The following NQO2 variants were observed in gnomAD, a reference collection of about 807,000 sequenced individuals.
The protein encoded by NQO2 is N-ribosyldihydronicotinamide:quinone dehydrogenase 2, also known as ribosyldihydronicotinamide dehydrogenase [quinone].
NQO2 carries 18 observed loss-of-function variants against 22.0 expected under a neutral mutation model. The observed-to-expected ratio is 0.82, with a 90% confidence interval of 0.56 to 1.21. The LOEUF (loss-of-function observed/expected upper bound fraction) is 1.21. Among genes scored for constraint, NQO2 ranks in the 50% most tolerant of loss-of-function variants. The pLI is 0.00. For synonymous variants in NQO2, 106 were observed against 110.8 expected, an observed-to-expected ratio of 0.96 and a Z score of 0.28; for missense variants, 267 against 286.9, an observed-to-expected ratio of 0.93 and a Z score of 0.50.
intron 4 of NQO2, chr6:3,015,292 C>T (rs988917273): frequency 1.4e-6 from 2 of 1,452,170 alleles, no homozygotes; most frequent in Admixed American, 2.1e-5. Flanking sequence ...GCATCAGGGG[C>T]TGTCATCACT....
At chr6:3,012,371 C>A (rs1040763702) in intron 3 of NQO2, 173 bp from the exon 4 acceptor site, 2 of 985,190 alleles carry the variant, frequency 2.0e-6, no homozygotes, top group African/African-American at 3.5e-5. Context: ...CAGCAGCCCT[C>A]CCAGACTGCT....
intron 2 of NQO2, chr6:3,007,006 T>A (rs188357599): frequency 1.7e-4 from 68 of 398,792 alleles, no homozygotes; most frequent in African/African-American, 1.0e-3. Context: ...GAACATGCAA[T>A]CTCTCAACTT....
intron 6 of NQO2, among the ~76,000 whole-genome samples, chr6:3,019,060 G>A (rs1757441973): frequency 6.6e-6 from 1 of 151,950 alleles, no homozygotes; most frequent in African/African-American, 2.4e-5. Context: ...CATAAATACG[G>A]CTTAAAATTT....
intron 1 of NQO2, chr6:3,003,932 T>C (rs1756833266): frequency 2.6e-5 from 4 of 151,334 alleles, no homozygotes; most frequent in Admixed American, 2.6e-4. Flanking sequence ...CACCACCATC[T>C]TGCAGCCCCA....
intron 4 of NQO2, chr6:3,015,047 T>C (rs1757274666): frequency 1.6e-6 from 2 of 1,240,852 alleles, no homozygotes; most frequent in Non-Finnish European, 2.1e-6. Context: ...ATCTATGGGA[T>C]AGGGAGATCT....
Position 3,016,909 on chromosome 6 carries a change from C to T in NQO2, c.443C>T (p.Thr148Ile), listed in dbSNP as rs750466406. The T allele has an allele frequency of 1.2e-6, 2 of 1,612,166 alleles. No homozygotes were observed. The highest frequency in any genetic ancestry group is 1.7e-6 in the Non-Finnish European group (2 of 1,179,402). Residue 148 changes from threonine to isoleucine, a missense_variant, in exon 6 of 7, where the codon ACC (threonine) becomes ATC (isoleucine). By Grantham distance (89) the Thr-to-Ile change is moderately conservative. Transcript: ENST00000380455. ...LQGKLALLSVTTGGTAEMYTK... is the reference protein window; with the variant it reads ...LQGKLALLSVITGGTAEMYTK... ...GGTAAACTAGCGCTCCTTTCCGTAA[C>T]CACGGGAGGCACGGCCGAGATGTAC...
intron 2 of NQO2, among the ~76,000 whole-genome samples, chr6:3,008,555 G>A (rs1757029320): frequency 6.6e-6 from 1 of 152,160 alleles, no homozygotes; most frequent in Non-Finnish European, 1.5e-5. Flanking sequence ...TTCAAGACCA[G>A]CCTGGCCAAC....
At chr6:3,004,955 C>G (rs371908950) in intron 1 of NQO2, among the ~76,000 whole-genome samples, 1 of 152,068 alleles carries the variant, frequency 6.6e-6, no homozygotes, top group Admixed American at 6.5e-5. Context: ...CCACCACGCC[C>G]GGCTAATTTT....
At chr6:3,014,822 C>A (rs965414832) in intron 4 of NQO2, among the ~76,000 whole-genome samples, 3 of 152,174 alleles carry the variant, frequency 2.0e-5, no homozygotes, top group Non-Finnish European at 1.5e-5. Flanking sequence ...TATTAGTAGC[C>A]CTATTTGATG....
At chr6:3,015,286 C>T in intron 4 of NQO2, 1 of 1,448,640 alleles carries the variant, frequency 6.9e-7, no homozygotes, top group South Asian at 1.3e-5. Flanking sequence ...GGGCCAGCAT[C>T]AGGGGCTGTC....
At chr6:3,005,548 A>G (rs1756921309) in intron 1 of NQO2, 1 of 571,676 alleles carries the variant, frequency 1.7e-6, no homozygotes, top group African/African-American at 2.0e-5. Flanking sequence ...TTTGGAGAAA[A>G]GCCTACACAA....
chr6:3,017,220 G>A (rs1385849956), intron 6 of NQO2, among the ~76,000 whole-genome samples: 1 of 152,212 alleles, frequency 6.6e-6, no homozygotes, highest in East Asian at 1.9e-4. Context: ...TGAAAAGCTT[G>A]ACCAATAGGG....
intron 1 of NQO2, among the ~76,000 whole-genome samples, chr6:3,005,277 A>C (rs1756909913): frequency 6.6e-6 from 1 of 152,130 alleles, no homozygotes; most frequent in East Asian, 1.9e-4. Context: ...GGAATTGCTG[A>C]GTCATATGTT....
intron 1 of NQO2, chr6:3,002,115 G>T: frequency 3.0e-6 from 2 of 673,140 alleles, no homozygotes; most frequent in East Asian, 1.4e-4. Context: ...TGTAAACTGG[G>T]CCAAGGAATA....
rs938302864 is a variant in NQO2, at chr6:3,006,624, C to G, written c.7+65C>G. The G allele has an allele frequency of 1.3e-6, 2 of 1,499,874 alleles. No individual in the cohort carries two copies. Among genetic ancestry groups the G allele is most frequent in the African/African-American group, 2.8e-5 (2 of 71,004 alleles). The allele number at this position is 1,499,874 out of a possible 1,614,324, so 92.9% of individuals were successfully genotyped here. A position where few individuals can be genotyped will look rare whatever the true frequency, so the allele number is the denominator to read the frequency against. On this transcript the variant is annotated intron_variant, in intron 2 of 6. Transcript: ENST00000380455. The surrounding 1 kb of genome is among the most constrained non-coding windows in gnomAD (Gnocchi z 4.0). ...TGAGATGGGATTTTGTTGTATTGCCCAGGCTGGTCTCAAACTCCTGAGCTC... is the reference window on the plus strand; with the variant it reads ...TGAGATGGGATTTTGTTGTATTGCCGAGGCTGGTCTCAAACTCCTGAGCTC...
chr6:3,006,541 CCTT>C lies in NQO2; in HGVS notation c.-8_-6del. 6.2e-7 allele frequency: 1 copy of C among 1,611,690 alleles called. No homozygotes were observed. Among genetic ancestry groups the C allele is most frequent in the Non-Finnish European group, 8.5e-7 (1 of 1,178,918 alleles). On this transcript the variant is annotated 5_prime_UTR_variant, in exon 2 of 7. Transcript: ENST00000380455. The surrounding 1 kb of genome is among the most constrained non-coding windows in gnomAD (Gnocchi z 4.0). ...CATCAAATCAGAGAGAAGGAATCCA[CCTT>C]CTTACGCTATGGCAGGTAATGATTC...
intron 3 of NQO2, 193 bp from the exon 4 acceptor site, chr6:3,012,351 A>G (rs1336392304): frequency 2.1e-6 from 2 of 969,396 alleles, no homozygotes; most frequent in African/African-American, 1.8e-5. Flanking sequence ...CTAGGTAGCA[A>G]GTGCTCAATC....
At chr6:3,015,287 AG>A (rs1757284011) in intron 4 of NQO2, 1 of 1,449,440 alleles carries the variant, frequency 6.9e-7, no homozygotes, top group Non-Finnish European at 9.1e-7. Flanking sequence ...GGCCAGCATC[AG>A]GGGCTGTCAT....
intron 2 of NQO2, among the ~76,000 whole-genome samples, chr6:3,008,876 G>A (rs191885995): frequency 1.8e-4 from 27 of 152,286 alleles, no homozygotes; most frequent in Non-Finnish European, 2.9e-4. Flanking sequence ...CAAATAGAGT[G>A]TGGGTCACAG....
Sources: allele counts gnomAD v4.1 joint callset (sites outside exome capture counted in the v4.1 genomes callset), GRCh38; gene constraint gnomAD v4.1.1; non-coding constraint Gnocchi (gnomAD v3.1); transcripts MANE v1.5; gene names NCBI Gene and HGNC (gene_info 2026-07-23, HGNC 2026-07-21).